The following FAM168B variants were observed in gnomAD, a reference collection of about 807,000 sequenced individuals.
FAM168B encodes family with sequence similarity 168 member B.
Under a neutral mutation model 21.8 loss-of-function variants are expected in FAM168B, and 19 were observed. The observed-to-expected ratio is 0.87, with a 90% CI of 0.61 to 1.28. The LOEUF (loss-of-function observed/expected upper bound fraction) is 1.28. Among genes scored for constraint, FAM168B ranks in the 50% most tolerant of loss-of-function variants. The pLI, the probability that FAM168B is intolerant of heterozygous loss-of-function variation, is 0.00. For missense variants in FAM168B, 233 were observed against 263.1 expected (o/e 0.89, Z 0.79); for synonymous variants, 126 against 104.8 (o/e 1.20, Z -1.24).
intron 2 of FAM168B, among the ~76,000 whole-genome samples, chr2:131,075,123 G>A (rs576954740): frequency 6.6e-6 from 1 of 152,144 alleles, no homozygotes; most frequent in South Asian, 2.1e-4. Context: ...GACCCACAAT[G>A]GCCACTGGAA....
chr2:131,063,555 G>A (rs777365126), intron 3 of FAM168B, among the ~76,000 whole-genome samples: 1 of 152,188 alleles, frequency 6.6e-6, no homozygotes, highest in Non-Finnish European at 1.5e-5. Context: ...AAGATGGGAG[G>A]ATAACTTGAT....
intron 3 of FAM168B, among the ~76,000 whole-genome samples, chr2:131,064,818 A>T (rs1692475783): frequency 6.6e-6 from 1 of 152,188 alleles, no homozygotes; most frequent in Non-Finnish European, 1.5e-5. Flanking sequence ...AGAGGAAGGG[A>T]GGGCTTCAGA....
chr2:131,052,950 G>C lies in FAM168B; in HGVS notation c.541C>G (p.Arg181Gly), dbSNP rs866299829. ...CTGTAAGTGGGCGTTCCTGGGGCCC[G>C]GTACGTGGGCACAGTGACCGGGTGG... ...APHPVTVPTYRAPGTPTYSYV... is the reference protein window; with the variant it reads ...APHPVTVPTYGAPGTPTYSYV... The change falls in exon 6 of 7, where the codon CGG becomes GGG. Residue 181 changes from arginine to glycine, a missense_variant. Coordinates refer to ENST00000389915, the MANE Select transcript of FAM168B (RefSeq NM_001009993.4). The C allele has an allele frequency of 6.4e-7, 1 of 1,564,026 alleles. No individual in the cohort carries two copies.
intron 2 of FAM168B, among the ~76,000 whole-genome samples, chr2:131,078,646 T>C (rs555264392): frequency 6.6e-6 from 1 of 152,228 alleles, no homozygotes; most frequent in South Asian, 2.1e-4. Flanking sequence ...AGTAGCAAGG[T>C]ACACGGGTTG....
chr2:131,062,962 A>G (rs1364629184), intron 3 of FAM168B, among the ~76,000 whole-genome samples: 1 of 152,250 alleles, frequency 6.6e-6, no homozygotes, highest in African/African-American at 2.4e-5. Context: ...GGTAAGATAT[A>G]CTGAGGACCA....
chr2:131,074,021 G>A (rs1693009872), intron 2 of FAM168B, among the ~76,000 whole-genome samples: 1 of 152,020 alleles, frequency 6.6e-6, no homozygotes, highest in Non-Finnish European at 1.5e-5. Flanking sequence ...ACCAACAGAG[G>A]GGGCCTCAGG....
At position 131,093,448 on chromosome 2, in the gene FAM168B, C is replaced by G. The variant is rs1694143811; in HGVS notation, c.-246G>C. ...CTCCCCGCCGACGCTGCGCAGCCAC[C>G]GGAGCCGCCGACCTCACTTCCGCCT... On this transcript the variant is annotated 5_prime_UTR_variant, in exon 1 of 7. Transcript: ENST00000389915. 6.6e-6 allele frequency: 1 copy of G among 151,206 alleles called. No individual in the cohort carries two copies. Among genetic ancestry groups the G allele is most frequent in the African/African-American group, 2.4e-5 (1 of 41,310 alleles). 9.4% of individuals were successfully genotyped at this position (151,206 alleles called of 1,614,324 possible). A position where few individuals can be genotyped will look rare whatever the true frequency, so the allele number is the denominator to read the frequency against.
At chr2:131,067,706 G>A (rs1573779042) in intron 3 of FAM168B, among the ~76,000 whole-genome samples, 1 of 151,954 alleles carries the variant, frequency 6.6e-6, no homozygotes, top group African/African-American at 2.4e-5. Flanking sequence ...AGGCAACAAA[G>A]TGAGATCCTA....
chr2:131,054,047 G>T (rs554935111), intron 5 of FAM168B, among the ~76,000 whole-genome samples: 1 of 151,660 alleles, frequency 6.6e-6, no homozygotes, highest in African/African-American at 2.4e-5. Context: ...CTACCAAAAG[G>T]TACAAAAAAA....
intron 1 of FAM168B, among the ~76,000 whole-genome samples, chr2:131,091,202 G>A (rs994265650): frequency 1.3e-5 from 2 of 152,094 alleles, no homozygotes; most frequent in Non-Finnish European, 2.9e-5. Flanking sequence ...ACCTGGGCAG[G>A]GTGGCATGTG....
intron 2 of FAM168B, among the ~76,000 whole-genome samples, chr2:131,079,774 A>T (rs1371731468): frequency 6.6e-6 from 1 of 152,214 alleles, no homozygotes; most frequent in African/African-American, 2.4e-5. Context: ...GAAAAGCAAA[A>T]TAAAGACAAT....
intron 1 of FAM168B, among the ~76,000 whole-genome samples, chr2:131,092,854 G>T (rs1471917540): frequency 6.6e-6 from 1 of 152,156 alleles, no homozygotes; most frequent in East Asian, 1.9e-4. Context: ...TAGACAAAGT[G>T]AGCAGTTACA....
chr2:131,081,927 A>G (rs1016527320), intron 2 of FAM168B, among the ~76,000 whole-genome samples: 2 of 152,200 alleles, frequency 1.3e-5, no homozygotes, highest in Admixed American at 1.3e-4. Context: ...CTCTTCTACC[A>G]TATTATCAAA....
intron 1 of FAM168B, among the ~76,000 whole-genome samples, chr2:131,092,812 AAT>A (rs949464854): frequency 2.0e-4 from 30 of 152,212 alleles, no homozygotes; most frequent in African/African-American, 7.0e-4. Flanking sequence ...CAAGCAAAAA[AAT>A]AAAAATAAAA....
Position 131,048,809 on chromosome 2 carries a change from G to C in FAM168B, c.*3656C>G. 1 of 986,180 alleles carries C rather than the reference G, an allele frequency of 1.0e-6. No individual in the cohort carries two copies. Among genetic ancestry groups the C allele is most frequent in the Middle Eastern group, 5.2e-4 (1 of 1,916 alleles). The allele number at this position is 986,180 out of a possible 1,614,324, so 61.1% of individuals were successfully genotyped here. A position where few individuals can be genotyped will look rare whatever the true frequency, so the allele number is the denominator to read the frequency against. On this transcript the variant is annotated 3_prime_UTR_variant, in exon 7 of 7. Transcript: ENST00000389915. ...CCCTCTCAGAAAGCACCAGAGAGGA[G>C]GACCAGACGCTGCCACCCACCTCAA...
At chr2:131,085,231 C>T (rs1465815613) in intron 1 of FAM168B, among the ~76,000 whole-genome samples, 1 of 152,048 alleles carries the variant, frequency 6.6e-6, no homozygotes, top group Non-Finnish European at 1.5e-5. Context: ...GGGAGGATCG[C>T]TTGAGGCCAG....
At chr2:131,077,362 C>G (rs895586069) in intron 2 of FAM168B, among the ~76,000 whole-genome samples, 4 of 152,164 alleles carry the variant, frequency 2.6e-5, no homozygotes, top group Admixed American at 6.5e-5. Flanking sequence ...TCAACAGTCT[C>G]AGGAGCAGGA....
intron 1 of FAM168B, among the ~76,000 whole-genome samples, chr2:131,091,900 C>A (rs1335835612): frequency 1.3e-5 from 2 of 150,102 alleles, no homozygotes; most frequent in Non-Finnish European, 3.0e-5. Flanking sequence ...AAGGTCGAGG[C>A]GGGCGGATCA....
intron 3 of FAM168B, 42 bp from the exon 4 acceptor site, chr2:131,055,737 T>C: frequency 6.2e-7 from 1 of 1,601,900 alleles, no homozygotes; most frequent in Non-Finnish European, 8.5e-7. Context: ...CCCAAGCCGG[T>C]CCAGGCGCAG....
Sources: gnomAD v4.1 joint callset for allele counts (sites outside exome capture counted in the v4.1 genomes callset) on GRCh38, gnomAD v4.1.1 for gene constraint, MANE v1.5 for transcripts, NCBI Gene and HGNC (gene_info 2026-07-23, HGNC 2026-07-21) for gene names.